The following MRPS11 variants were observed in gnomAD, a reference collection of about 807,000 sequenced individuals.
MRPS11 encodes mitochondrial ribosomal protein S11, also known as small ribosomal subunit protein uS11m.
Under a neutral mutation model 24.3 loss-of-function variants are expected in MRPS11, and 27 were observed. That is an observed-to-expected ratio of 1.11 (90% CI 0.82 to 1.53). The LOEUF (loss-of-function observed/expected upper bound fraction) is 1.53. MRPS11 is among the 40% of genes most tolerant of loss of function. The pLI, the probability that MRPS11 is intolerant of heterozygous loss-of-function variation, is 0.00. For missense variants in MRPS11, 277 were observed against 256.5 expected (o/e 1.08, Z -0.55); for synonymous variants, 104 against 98.7 (o/e 1.05, Z -0.32).
intron 2 of MRPS11, chr15:88,468,428 GT>G: frequency 9.6e-7 from 1 of 1,045,134 alleles, no homozygotes; most frequent in African/African-American, 1.7e-5. Flanking sequence ...TCCAGGGTGG[GT>G]TTTGTGCTCA....
In MRPS11 at chr15:88,480,287, T is replaced by G. The variant is rs954094515; in HGVS notation, c.*2308T>G. ...TGGATTGCAGTGGTACGACCATGGT[T>G]CACTGCAGCCTCAAACTCCTGGGCT... On this transcript the variant is annotated 3_prime_UTR_variant, in exon 6 of 6. Transcript: ENST00000325844. The surrounding 1 kb of genome is among the most constrained non-coding windows in gnomAD (Gnocchi z 5.1). 4 of 152,284 alleles carry G rather than the reference T, an allele frequency of 2.6e-5. No individual in the cohort carries two copies. The highest frequency in any genetic ancestry group is 5.9e-5 in the Non-Finnish European group (4 of 68,078). The allele number at this position is 152,284 out of a possible 1,614,324, so 9.4% of individuals were successfully genotyped here. A position where few individuals can be genotyped will look rare whatever the true frequency, so the allele number is the denominator to read the frequency against.
chr15:88,478,323 G>A lies in MRPS11; in HGVS notation c.*344G>A, dbSNP rs1465615154. 3.6e-6 allele frequency: 1 copy of A among 274,800 alleles called. No individual in the cohort carries two copies. The highest frequency in any genetic ancestry group is 6.9e-6 in the Non-Finnish European group (1 of 145,210). 17.0% of individuals were successfully genotyped at this position (274,800 alleles called of 1,614,324 possible). ...AATTCCTAATTCCTCTTGAAAAAGA[G>A]AGTGTGAAATGAGGTGAGGCCTCAG... On this transcript the variant is annotated 3_prime_UTR_variant, in exon 6 of 6. Coordinates refer to ENST00000325844, the MANE Select transcript of MRPS11 (RefSeq NM_022839.5). The surrounding 1 kb of genome is among the most constrained non-coding windows in gnomAD (Gnocchi z 4.7).
At chr15:88,473,017 G>C (rs1052652792) in intron 3 of MRPS11, among the ~76,000 whole-genome samples, 16 of 152,204 alleles carry the variant, frequency 1.1e-4, no homozygotes, top group African/African-American at 3.9e-4. Flanking sequence ...GAGTGTATGA[G>C]GGGCATATGG....
chr15:88,474,164 G>C (rs754703367), intron 3 of MRPS11, among the ~76,000 whole-genome samples: 4 of 151,476 alleles, frequency 2.6e-5, no homozygotes, highest in Non-Finnish European at 5.9e-5. Context: ...GCAACAGAGT[G>C]AGACCCTGTC....
chr15:88,473,411 A>G (rs555769471), intron 3 of MRPS11, among the ~76,000 whole-genome samples: 23 of 152,386 alleles, frequency 1.5e-4, no homozygotes, highest in African/African-American at 5.5e-4. Flanking sequence ...CCAGCAATTT[A>G]GAGACCAGCA....
At position 88,470,213 on chromosome 15, in the gene MRPS11, G is replaced by A. The variant is rs561430087; in HGVS notation, c.182+2189G>A. Among the ~76,000 whole-genome samples, 4 of 152,294 alleles carry A rather than the reference G, an allele frequency of 2.6e-5. No homozygotes were observed. In the East Asian group the frequency reaches 5.8e-4, roughly 22 times the overall value. ...GTCTATAATCCCAGCTACCCAGGAC[G>A]CTGAGGCAGGAGAATCACTTGAACC... On this transcript the variant is annotated intron_variant, in intron 2 of 5. Coordinates refer to ENST00000325844, the MANE Select transcript of MRPS11 (RefSeq NM_022839.5).
intron 4 of MRPS11, chr15:88,476,722 C>G: frequency 2.7e-6 from 1 of 374,182 alleles, no homozygotes; most frequent in Non-Finnish European, 4.8e-6. Context: ...TGAGAAAAAC[C>G]TGAGCAATAT....
intron 1 of MRPS11, 26 bp from the exon 2 acceptor site, chr15:88,467,882 G>A (rs756720297): frequency 1.9e-6 from 3 of 1,613,478 alleles, no homozygotes; most frequent in South Asian, 2.2e-5. Context: ...GTTAGGCCGT[G>A]GCCCTCACCG....
chr15:88,474,824 T>A (rs2055787499), intron 3 of MRPS11, among the ~76,000 whole-genome samples: 1 of 152,184 alleles, frequency 6.6e-6, no homozygotes, highest in Non-Finnish European at 1.5e-5. Context: ...TTTAAAACTT[T>A]CCCCAATACA....
Position 88,472,699 on chromosome 15 carries a change from T to C in MRPS11, c.255T>C (p.Ile85=), listed in dbSNP as rs9920196. ...WAGKKFEEIP[I]AHIKASHNNT... The stretch of plus-strand genomic sequence containing the variant: ...GAAAGAAATTTGAGGAGATCCCAAT[T>C]GCACACATTAAAGCATCCCACAACA... The change falls in exon 3 of 6, where the codon ATT becomes ATC. Residue 85 remains isoleucine (I), a synonymous_variant. Transcript: ENST00000325844. 0.013 allele frequency: 21,335 copies of C among 1,613,812 alleles called. 2,236 individuals are homozygous for C. The African/African-American group carries it at 0.24, about 18-fold the overall frequency.
chr15:88,480,600 A>C lies in MRPS11; in HGVS notation c.*2621A>C, dbSNP rs2055911401. 1 of 152,082 alleles carries C rather than the reference A, an allele frequency of 6.6e-6. No individual in the cohort carries two copies. The highest frequency in any genetic ancestry group is 1.5e-5 in the Non-Finnish European group (1 of 68,034). 9.4% of individuals were successfully genotyped at this position (152,082 alleles called of 1,614,324 possible). Reference sequence around the variant, plus strand: ...TGCGCAGACAGGACAGAGGACCCTTAAGGATCAATGGTCTTGTTGCCGGAA... The same window carrying C: ...TGCGCAGACAGGACAGAGGACCCTTCAGGATCAATGGTCTTGTTGCCGGAA... On this transcript the variant is annotated 3_prime_UTR_variant, in exon 6 of 6. Coordinates refer to ENST00000325844, the MANE Select transcript of MRPS11 (RefSeq NM_022839.5). The surrounding 1 kb of genome is among the most constrained non-coding windows in gnomAD (Gnocchi z 5.1).
At position 88,475,010 on chromosome 15, in the gene MRPS11, C is replaced by T; in HGVS notation, c.282-100C>T. 7.2e-7 allele frequency: 1 copy of T among 1,387,180 alleles called. No homozygotes were observed. The highest frequency in any genetic ancestry group is 9.8e-7 in the Non-Finnish European group (1 of 1,025,228). 85.9% of individuals were successfully genotyped at this position (1,387,180 alleles called of 1,614,324 possible). A position where few individuals can be genotyped will look rare whatever the true frequency, so the allele number is the denominator to read the frequency against. On this transcript the variant is annotated intron_variant, in intron 3 of 5. Transcript: ENST00000325844. The surrounding 1 kb of genome is among the most constrained non-coding windows in gnomAD (Gnocchi z 4.1). ...AGCTCAAAGTAGAAGCAACTGAATT[C>T]CTTTTTCTTTCTCACCCAGGCTTCT...
At chr15:88,467,828 A>G in intron 1 of MRPS11, 46 bp downstream of exon 1, 1 of 1,613,454 alleles carries the variant, frequency 6.2e-7, no homozygotes, top group Middle Eastern at 1.7e-4. Context: ...CTCCAGGACT[A>G]TGCTCCTACT....
intron 2 of MRPS11, chr15:88,468,294 C>T: frequency 8.0e-7 from 1 of 1,248,030 alleles, no homozygotes. Context: ...TAACATGTAT[C>T]AGCGTTCTTT....
At chr15:88,471,294 T>C (rs1386548488) in intron 2 of MRPS11, among the ~76,000 whole-genome samples, 1 of 152,272 alleles carries the variant, frequency 6.6e-6, no homozygotes, top group Non-Finnish European at 1.5e-5. Flanking sequence ...AATATAGTTG[T>C]AAACTTTGAA....
chr15:88,470,296 G>T (rs2055664548), intron 2 of MRPS11, among the ~76,000 whole-genome samples: 1 of 152,146 alleles, frequency 6.6e-6, no homozygotes, highest in Non-Finnish European at 1.5e-5. Context: ...GCCTGGACGA[G>T]ACTCCATCTC....
chr15:88,472,655 A>T lies in MRPS11; in HGVS notation c.211A>T (p.Ser71Cys). ...SIYPPIPGEE[S>C]SLRWAGKKFE... is the part of the protein sequence containing the mutation. ...TTACCCTCCCATTCCAGGAGAGGAG[A>T]GCTCTCTGAGGTGGGCAGGAAAGAA... is the stretch of plus-strand genomic sequence containing the variant. Residue 71 changes from serine (S) to cysteine (C), a missense_variant, in exon 3 of 6, where the codon AGC (serine) becomes TGC (cysteine). Transcript: ENST00000325844. The T allele has an allele frequency of 6.2e-7, 1 of 1,613,962 alleles. No individual in the cohort carries two copies. The highest frequency in any genetic ancestry group is 1.7e-5 in the Admixed American group (1 of 60,022).
chr15:88,468,393 ATGTTCCTGCACGTCTTACGGATGG>A, intron 2 of MRPS11: 2 of 1,106,036 alleles, frequency 1.8e-6, no homozygotes, highest in Non-Finnish European at 2.2e-6. Context: ...GATGGAACAG[ATGTTCCTGCACGTCTTACGGATGG>A]TCCAGGGTGG....
In MRPS11 at chr15:88,470,240, C is replaced by T. The variant is rs139972814; in HGVS notation, c.182+2216C>T. On this transcript the variant is annotated intron_variant, in intron 2 of 5. Transcript: ENST00000325844. ...TGAGGCAGGAGAATCACTTGAACCC[C>T]GGAGACGGAGGTTGCAGTGAGCCAA... Among the ~76,000 whole-genome samples, 954 of 152,114 alleles carry T rather than the reference C, an allele frequency of 6.3e-3. 12 individuals are homozygous for T. Among genetic ancestry groups the T allele is most frequent in the African/African-American group, 0.022 (906 of 41,486 alleles).
Sources: allele counts gnomAD v4.1 joint callset (sites outside exome capture counted in the v4.1 genomes callset), GRCh38; gene constraint gnomAD v4.1.1; non-coding constraint Gnocchi (gnomAD v3.1); transcripts MANE v1.5; gene names NCBI Gene and HGNC (gene_info 2026-07-23, HGNC 2026-07-21).